NBAS: variants seen among roughly 807,000 people sequenced by gnomAD.
NBAS encodes the protein NBAS subunit of NRZ tethering complex.
In NBAS, 219 loss-of-function variants were observed where a neutral mutation model predicts 302.5. That is an observed-to-expected ratio of 0.72 (90% CI 0.65 to 0.81). NBAS has a LOEUF of 0.81. NBAS is among the 30% of genes least tolerant of loss of function. The pLI is 0.00. For synonymous variants in NBAS, 1,118 were observed against 1,021.6 expected (o/e 1.09, Z -1.80); for missense variants, 2,932 against 2,841.6 (o/e 1.03, Z -0.72).
chr2:15,524,946 C>A (rs1176191120), intron 9 of NBAS, among the ~76,000 whole-genome samples: 1 of 152,150 alleles, frequency 6.6e-6, no homozygotes, highest in Non-Finnish European at 1.5e-5. Flanking sequence ...TCCCTCAACC[C>A]ACAGCTGATG....
chr2:15,142,027 T>C, the NBAS span, among the ~76,000 whole-genome samples: 1 of 152,224 alleles, frequency 6.6e-6, no homozygotes, highest in Non-Finnish European at 1.5e-5. Flanking sequence ...ACAAAATTCA[T>C]GTCAGAGAAT....
downstream of NBAS, among the ~76,000 whole-genome samples, chr2:15,163,269 T>C (rs1663938920): frequency 2.0e-5 from 3 of 152,190 alleles, no homozygotes; most frequent in African/African-American, 7.2e-5. Context: ...ATCCCCCGCT[T>C]CCCAGCAGGC....
At chr2:15,331,144 A>G (rs1016966823) in intron 35 of NBAS, among the ~76,000 whole-genome samples, 2 of 152,222 alleles carry the variant, frequency 1.3e-5, no homozygotes, top group African/African-American at 4.8e-5. Flanking sequence ...TTATTTAATT[A>G]AGAAATAAAT....
chr2:14,953,224 G>C, the NBAS span, among the ~76,000 whole-genome samples: 11 of 152,130 alleles, frequency 7.2e-5, no homozygotes, highest in African/African-American at 2.7e-4. Context: ...AAAACTGGAG[G>C]GAGAGACAGA....
chr2:15,200,345 T>G (rs1177850152), intron 48 of NBAS, among the ~76,000 whole-genome samples: 2 of 152,218 alleles, frequency 1.3e-5, no homozygotes, highest in Non-Finnish European at 2.9e-5. Context: ...ACTTGTGCAA[T>G]AAATATGGTA....
chr2:15,531,005 A>T (rs1020685269), intron 9 of NBAS, among the ~76,000 whole-genome samples: 4 of 152,196 alleles, frequency 2.6e-5, no homozygotes, highest in African/African-American at 9.6e-5. Context: ...ACTAGAAGCT[A>T]GAAGAAAATA....
At chr2:15,081,277 T>C in the NBAS span, among the ~76,000 whole-genome samples, 1 of 152,094 alleles carries the variant, frequency 6.6e-6, no homozygotes, top group Non-Finnish European at 1.5e-5. Context: ...CTCTTCACTA[T>C]AAGTCTCCCT....
the NBAS span, among the ~76,000 whole-genome samples, chr2:15,002,564 A>G: frequency 6.6e-6 from 1 of 152,270 alleles, no homozygotes; most frequent in Admixed American, 6.5e-5. Flanking sequence ...GGTCGATGGG[A>G]CTGGGTGCTG....
At chr2:15,317,998 A>G (rs1558529392) in intron 38 of NBAS, among the ~76,000 whole-genome samples, 6 of 152,222 alleles carry the variant, frequency 3.9e-5, no homozygotes, top group African/African-American at 1.4e-4. Context: ...CAGCCAGCAC[A>G]AAAGGTTGGG....
intron 10 of NBAS, 48 bp from the exon 11 acceptor site, chr2:15,504,261 T>C (rs1448957735): frequency 2.8e-6 from 4 of 1,430,910 alleles, no homozygotes; most frequent in South Asian, 2.3e-5. Context: ...AAATGACTTA[T>C]CGTTGTAAAA....
At position 15,186,768 on chromosome 2, in the gene NBAS, T is replaced by A. The variant is rs762235285; in HGVS notation, c.6685A>T (p.Asn2229Tyr). Residue 2229 changes from asparagine (N) to tyrosine (Y), a missense_variant, in exon 50 of 52, where the codon AAC (asparagine) becomes TAC (tyrosine). Coordinates refer to ENST00000281513, the MANE Select transcript of NBAS (RefSeq NM_015909.4). ...EVLKMCRSLY[N>Y]TKQMLPAEGV... ...TCTGCAGGCAGCATCTGCTTGGTGT[T>A]ATACAAAGAGCGACACATTTTCAAA... 2 of 1,613,872 alleles carry A rather than the reference T, an allele frequency of 1.2e-6. No homozygotes were observed. Among genetic ancestry groups the A allele is most frequent in the South Asian group, 2.2e-5 (2 of 91,074 alleles).
chr2:15,043,292 G>A, the NBAS span, among the ~76,000 whole-genome samples: 3 of 152,134 alleles, frequency 2.0e-5, no homozygotes, highest in African/African-American at 7.2e-5. Flanking sequence ...ACCCCTGCAC[G>A]TTTAGCTTGG....
At chr2:15,278,789 A>G (rs1355668999) in intron 42 of NBAS, among the ~76,000 whole-genome samples, 1 of 152,222 alleles carries the variant, frequency 6.6e-6, no homozygotes, top group African/African-American at 2.4e-5. Context: ...TAAGAGAAGG[A>G]TCACTAAAAG....
At chr2:15,308,401 A>G in intron 39 of NBAS, 48 bp from the exon 40 acceptor site, 1 of 1,596,624 alleles carries the variant, frequency 6.3e-7, no homozygotes, top group Non-Finnish European at 8.5e-7. Flanking sequence ...GAAATTATGA[A>G]GATCATTATA....
chr2:15,194,775 A>T (rs1319526467), intron 48 of NBAS, among the ~76,000 whole-genome samples: 1 of 152,222 alleles, frequency 6.6e-6, no homozygotes. Context: ...CCAAATATGG[A>T]GGTGAGATTT....
rs1444262155 is a variant in NBAS at position 15,560,900 on chromosome 2, C to G, written c.117+288G>C. The stretch of plus-strand genomic sequence containing the variant: ...CTAACAATCCCCTCTCCTCCCAATA[C>G]AGAGAGCGAAACTGAGAACCAAAGT... On this transcript the variant is annotated intron_variant, in intron 1 of 51. Coordinates refer to ENST00000281513, the MANE Select transcript of NBAS (RefSeq NM_015909.4). Among the ~76,000 whole-genome samples the G allele has an allele frequency of 5.3e-5, 8 of 152,242 alleles. No individual in the cohort carries two copies. In the East Asian group the frequency reaches 1.2e-3, roughly 22 times the overall value.
chr2:14,804,220 C>T, the NBAS span, among the ~76,000 whole-genome samples: 2 of 152,144 alleles, frequency 1.3e-5, no homozygotes, highest in African/African-American at 2.4e-5. Context: ...CTTTCTGTTT[C>T]AGTTCTCATC....
At chr2:15,437,828 C>T (rs1263397155) in intron 21 of NBAS, among the ~76,000 whole-genome samples, 1 of 152,056 alleles carries the variant, frequency 6.6e-6, no homozygotes, top group Non-Finnish European at 1.5e-5. Flanking sequence ...AAAATAGATG[C>T]TATAATAAGT....
At chr2:15,342,972 G>GA (rs1194941240) in intron 35 of NBAS, among the ~76,000 whole-genome samples, 9,794 of 141,038 alleles carry the variant, frequency 0.069, 871 homozygotes, top group African/African-American at 0.21. Context: ...ACTGAGCACA[G>GA]AAAAAAAAAA....
Sources: gnomAD v4.1 joint callset for allele counts (sites outside exome capture counted in the v4.1 genomes callset) on GRCh38, gnomAD v4.1.1 for gene constraint, MANE v1.5 for transcripts, NCBI Gene and HGNC (gene_info 2026-07-23, HGNC 2026-07-21) for gene names.